EXT1: variants seen among roughly 807,000 people sequenced by gnomAD.
EXT1 encodes exostosin glycosyltransferase 1.
EXT1 carries 20 observed loss-of-function variants against 82.5 expected under a neutral mutation model. That is an observed-to-expected ratio of 0.24 (90% CI 0.17 to 0.35). The LOEUF is 0.35. Ranked by LOEUF, EXT1 falls within the 10% of genes least tolerant of loss-of-function variation. The probability of loss-of-function intolerance (pLI) is 1.00; values close to 1 mark genes in which losing one functional copy is unlikely to be tolerated. For synonymous variants in EXT1, 348 were observed against 350.8 expected (o/e 0.99, Z 0.09); for missense variants, 757 against 936.5 (o/e 0.81, Z 2.50).
intron 1 of EXT1, among the ~76,000 whole-genome samples, chr8:118,106,553 C>A (rs1328583527): frequency 6.6e-6 from 1 of 152,228 alleles, no homozygotes; most frequent in Admixed American, 6.5e-5. Context: ...AAAAGAATTG[C>A]ACACAATCTT....
At chr8:117,821,558 G>A (rs1329782319) in intron 5 of EXT1, among the ~76,000 whole-genome samples, 1 of 152,200 alleles carries the variant, frequency 6.6e-6, no homozygotes, top group Admixed American at 6.5e-5. Flanking sequence ...AACAGGTTTG[G>A]TTTGGATTAA....
intron 1 of EXT1, among the ~76,000 whole-genome samples, chr8:117,942,104 A>C (rs17475939): frequency 0.048 from 7,284 of 152,210 alleles, 596 homozygotes; most frequent in African/African-American, 0.17. Flanking sequence ...CAACCTCATT[A>C]ATTTTAACAT....
intron 5 of EXT1, among the ~76,000 whole-genome samples, chr8:117,821,470 A>G (rs999575604): frequency 6.6e-6 from 1 of 152,214 alleles, no homozygotes; most frequent in Admixed American, 6.5e-5. Flanking sequence ...ATTCTTGTCA[A>G]CCAGTGCCTT....
intron 1 of EXT1, among the ~76,000 whole-genome samples, chr8:118,052,925 C>T (rs1474601151): frequency 6.6e-6 from 1 of 152,152 alleles, no homozygotes; most frequent in East Asian, 1.9e-4. Context: ...GGAGACAATC[C>T]TAGACTGTTG....
chr8:117,835,664 TC>T (rs1488925687), intron 2 of EXT1, 113 bp from the exon 3 acceptor site: 1 of 794,106 alleles, frequency 1.3e-6, no homozygotes, highest in African/African-American at 1.7e-5. Flanking sequence ...ACTGCATGAA[TC>T]CTGGACTGCC....
At chr8:118,058,446 G>A (rs761553888) in intron 1 of EXT1, among the ~76,000 whole-genome samples, 3 of 152,074 alleles carry the variant, frequency 2.0e-5, no homozygotes, top group Non-Finnish European at 2.9e-5. Flanking sequence ...ATAGGCAGAC[G>A]AGTTAAGTAT....
At chr8:117,932,470 T>C (rs949534821) in intron 1 of EXT1, among the ~76,000 whole-genome samples, 2 of 152,294 alleles carry the variant, frequency 1.3e-5, no homozygotes, top group East Asian at 1.9e-4. Context: ...ACCATACAAC[T>C]GCTAAGACTA....
chr8:118,061,245 T>A (rs1415628826), intron 1 of EXT1, among the ~76,000 whole-genome samples: 2 of 152,180 alleles, frequency 1.3e-5, no homozygotes, highest in African/African-American at 4.8e-5. Flanking sequence ...ACTGTTATCA[T>A]TTTATTATTA....
intron 1 of EXT1, among the ~76,000 whole-genome samples, chr8:118,052,015 A>G (rs10104745): frequency 0.48 from 73,486 of 152,036 alleles, 18,492 homozygotes; most frequent in African/African-American, 0.61. Flanking sequence ...CACCTTTGAG[A>G]GTAACAGATG....
intron 1 of EXT1, among the ~76,000 whole-genome samples, chr8:117,914,527 G>C (rs986087829): frequency 1.3e-5 from 2 of 152,148 alleles, no homozygotes; most frequent in Non-Finnish European, 2.9e-5. Context: ...ATAAATGGAC[G>C]TGCGAGTAGG....
At chr8:118,052,476 A>G (rs1816732721) in intron 1 of EXT1, among the ~76,000 whole-genome samples, 1 of 152,230 alleles carries the variant, frequency 6.6e-6, no homozygotes, top group African/African-American at 2.4e-5. Flanking sequence ...ACATTTAACA[A>G]GAATGCCAAA....
At chr8:117,800,093 T>A (rs2129681027) in intron 10 of EXT1, among the ~76,000 whole-genome samples, 196 bp from the exon 11 acceptor site, 1 of 152,360 alleles carries the variant, frequency 6.6e-6, no homozygotes, top group South Asian at 2.1e-4. Flanking sequence ...GCTACGTTCC[T>A]CAGTGTTAAA....
chr8:117,888,127 T>C (rs1359022347), intron 1 of EXT1, among the ~76,000 whole-genome samples: 2 of 150,994 alleles, frequency 1.3e-5, no homozygotes, highest in African/African-American at 4.9e-5. Flanking sequence ...AATAAATAAA[T>C]ATAATGCCTC....
In EXT1 at chr8:117,896,940, G is replaced by GC. The variant is rs569791772; in HGVS notation, c.963-59740dup. ...CAGCTTCTTGCCACCCAGGGTCCCA[G>GC]CCCCCCAGCCTCTGCCTCCATGTTT... On this transcript the variant is annotated intron_variant, in intron 1 of 10. Transcript: ENST00000378204. Among the ~76,000 whole-genome samples, 4 of 152,214 alleles carry GC rather than the reference G, an allele frequency of 2.6e-5. No homozygotes were observed. The South Asian group carries it at 8.3e-4, about 32-fold the overall frequency.
intron 1 of EXT1, among the ~76,000 whole-genome samples, chr8:117,852,541 T>C (rs1388998663): frequency 6.6e-6 from 1 of 152,194 alleles, no homozygotes; most frequent in East Asian, 1.9e-4. Context: ...TCAAGGCCTC[T>C]TCCTAAGACT....
At chr8:117,896,253 AAAAT>A (rs1813333750) in intron 1 of EXT1, among the ~76,000 whole-genome samples, 1 of 152,234 alleles carries the variant, frequency 6.6e-6, no homozygotes, top group Non-Finnish European at 1.5e-5. Context: ...TTGCACCAAA[AAAAT>A]CCAGATTACT....
intron 1 of EXT1, among the ~76,000 whole-genome samples, chr8:118,046,392 G>A (rs1160200225): frequency 6.6e-6 from 1 of 152,140 alleles, no homozygotes; most frequent in Non-Finnish European, 1.5e-5. Flanking sequence ...ACTGGGCCCG[G>A]TGGTGTGCAC....
At chr8:118,100,625 A>G (rs1340500024) in intron 1 of EXT1, among the ~76,000 whole-genome samples, 1 of 152,176 alleles carries the variant, frequency 6.6e-6, no homozygotes, top group African/African-American at 2.4e-5. Flanking sequence ...ATGCACCTGT[A>G]GTCCCAGCTA....
At chr8:118,005,730 C>A (rs1353369120) in intron 1 of EXT1, among the ~76,000 whole-genome samples, 4 of 152,218 alleles carry the variant, frequency 2.6e-5, no homozygotes, top group Admixed American at 2.6e-4. Context: ...ACTTTTTCTT[C>A]TACGTCACAT....
Sources: allele counts gnomAD v4.1 joint callset (sites outside exome capture counted in the v4.1 genomes callset), GRCh38; gene constraint gnomAD v4.1.1; transcripts MANE v1.5; gene names NCBI Gene and HGNC (gene_info 2026-07-23, HGNC 2026-07-21).